The following BRD10 variants were observed in gnomAD, a reference collection of about 807,000 sequenced individuals.
BRD10 encodes uncharacterized bromodomain-containing protein 10.
At chr9:5,895,378 ATCT>A in the BRD10 span, among the ~76,000 whole-genome samples, 2 of 150,484 alleles carry the variant, frequency 1.3e-5, no homozygotes, top group Non-Finnish European at 3.0e-5. Flanking sequence ...GAATGGGGCC[ATCT>A]TCTTTTTTTT....
the BRD10 span, among the ~76,000 whole-genome samples, chr9:5,934,427 C>T: frequency 7.0e-6 from 1 of 142,722 alleles, no homozygotes; most frequent in African/African-American, 2.6e-5. Context: ...GGTACGATGT[C>T]GGCTCATGGC....
the BRD10 span, among the ~76,000 whole-genome samples, chr9:5,916,234 C>T: frequency 6.6e-6 from 1 of 152,116 alleles, no homozygotes; most frequent in Non-Finnish European, 1.5e-5. Context: ...GTAACTTTGG[C>T]TAACTAAAAT....
At chr9:5,998,030 T>A in the BRD10 span, among the ~76,000 whole-genome samples, 2 of 152,278 alleles carry the variant, frequency 1.3e-5, no homozygotes, top group Non-Finnish European at 2.9e-5. Context: ...GTAGGAAGAA[T>A]CAATGAAAAA....
At chr9:5,924,708 A>G in the BRD10 span, 3 of 1,597,854 alleles carry the variant, frequency 1.9e-6, no homozygotes, top group Non-Finnish European at 2.6e-6. Flanking sequence ...TGTTGAGTCT[A>G]TAGACTTACT....
the BRD10 span, among the ~76,000 whole-genome samples, chr9:5,952,082 G>A: frequency 2.0e-5 from 3 of 151,868 alleles, no homozygotes; most frequent in East Asian, 1.9e-4. Context: ...GTGCAATGGC[G>A]TGATGTTGGC....
At chr9:5,937,507 C>T in the BRD10 span, among the ~76,000 whole-genome samples, 1 of 152,084 alleles carries the variant, frequency 6.6e-6, no homozygotes, top group South Asian at 2.1e-4. Context: ...TGCACTCCAG[C>T]CTAGGCAAAT....
chr9:6,007,198 G>C, the BRD10 span: 8 of 1,611,402 alleles, frequency 5.0e-6, no homozygotes, highest in Non-Finnish European at 6.8e-6. Flanking sequence ...CGCTTACCGA[G>C]AGAGAAGCGC....
the BRD10 span, chr9:5,968,454 T>C: frequency 7.4e-6 from 12 of 1,612,016 alleles, no homozygotes; most frequent in African/African-American, 1.3e-4. Flanking sequence ...CCTGGACTCC[T>C]TGGTTTCTCT....
the BRD10 span, among the ~76,000 whole-genome samples, chr9:5,934,616 T>C: frequency 6.6e-6 from 1 of 152,132 alleles, no homozygotes; most frequent in Non-Finnish European, 1.5e-5. Context: ...TCCACCTGCC[T>C]TGGCCTCCTG....
At chr9:5,975,460 A>AAAAAT in the BRD10 span, among the ~76,000 whole-genome samples, 1 of 151,234 alleles carries the variant, frequency 6.6e-6, no homozygotes, top group African/African-American at 2.4e-5. Context: ...AAAAAAAAAA[A>AAAAAT]AAAAAGATTT....
the BRD10 span, among the ~76,000 whole-genome samples, chr9:5,982,394 G>A: frequency 2.0e-5 from 3 of 152,154 alleles, no homozygotes; most frequent in Non-Finnish European, 4.4e-5. Flanking sequence ...TCCAAAACTC[G>A]TGTTGAAATT....
the BRD10 span, among the ~76,000 whole-genome samples, chr9:5,976,673 T>C: frequency 6.6e-6 from 1 of 151,956 alleles, no homozygotes; most frequent in Admixed American, 6.6e-5. Flanking sequence ...AAATTAAATG[T>C]GACACTTTGT....
chr9:5,951,970 C>T, the BRD10 span, among the ~76,000 whole-genome samples: 1 of 151,940 alleles, frequency 6.6e-6, no homozygotes, highest in Non-Finnish European at 1.5e-5. Context: ...TTTTCTCTCC[C>T]TCTAGGACAC....
At chr9:5,995,779 G>T in the BRD10 span, among the ~76,000 whole-genome samples, 1 of 152,002 alleles carries the variant, frequency 6.6e-6, no homozygotes, top group Non-Finnish European at 1.5e-5. Context: ...ACTAAATAAA[G>T]ACAAAAATAT....
the BRD10 span, chr9:5,921,307 T>A: frequency 4.3e-6 from 7 of 1,613,838 alleles, no homozygotes; most frequent in African/African-American, 9.3e-5. Flanking sequence ...CAGCTGGTGA[T>A]GAATTTATTT....
chr9:5,922,671 T>A, the BRD10 span: 1 of 1,613,986 alleles, frequency 6.2e-7, no homozygotes, highest in Non-Finnish European at 8.5e-7. Context: ...ATCACAAAAT[T>A]CTTAGGCAGA....
At chr9:5,907,491 TATC>T in the BRD10 span, among the ~76,000 whole-genome samples, 2 of 152,204 alleles carry the variant, frequency 1.3e-5, no homozygotes, top group East Asian at 1.9e-4. Flanking sequence ...TTATAATACA[TATC>T]ATATTTCAAA....
chr9:6,008,433 GGA>G, the BRD10 span, among the ~76,000 whole-genome samples: 2 of 152,146 alleles, frequency 1.3e-5, no homozygotes, highest in African/African-American at 2.4e-5. Context: ...GAAGAGCTGT[GGA>G]GAGAAGCAAA....
At chr9:5,931,504 A>C in the BRD10 span, among the ~76,000 whole-genome samples, 1 of 152,212 alleles carries the variant, frequency 6.6e-6, no homozygotes, top group Non-Finnish European at 1.5e-5. Flanking sequence ...GGAAGCTTAA[A>C]TATTATGATC....
Sources: allele counts gnomAD v4.1 joint callset (sites outside exome capture counted in the v4.1 genomes callset), GRCh38; gene constraint gnomAD v4.1.1; transcripts MANE v1.5; gene names NCBI Gene and HGNC (gene_info 2026-07-23, HGNC 2026-07-21).